Variants in ACO1 observed in about 807,000 individuals in gnomAD.
The protein encoded by ACO1 is aconitase 1, also known as cytoplasmic aconitate hydratase.
ACO1 carries 78 observed loss-of-function variants against 105.1 expected under a neutral mutation model. That is an observed-to-expected ratio of 0.74 (90% confidence interval 0.62 to 0.90). ACO1 has a LOEUF of 0.90. Ranked by LOEUF, ACO1 falls within the 40% of genes least tolerant of loss-of-function variation. ACO1 has a pLI of 0.00. For missense variants in ACO1, 965 were observed against 1,111.1 expected (o/e 0.87, Z 1.87); for synonymous variants, 364 against 397.4 (o/e 0.92, Z 1.00).
At chr9:32,434,067 C>A (rs1822300165) in intron 16 of ACO1, among the ~76,000 whole-genome samples, 1 of 152,170 alleles carries the variant, frequency 6.6e-6, no homozygotes, top group Admixed American at 6.5e-5. Flanking sequence ...CTAGTAATCA[C>A]CTGGACTTAA....
intron 12 of ACO1, among the ~76,000 whole-genome samples, chr9:32,428,367 T>G (rs1822147725): frequency 1.3e-5 from 2 of 151,394 alleles, no homozygotes; most frequent in Admixed American, 1.3e-4. Flanking sequence ...GTCTTCTACC[T>G]CCACATCTGT....
At chr9:32,409,817 G>A (rs1191805928) in intron 4 of ACO1, among the ~76,000 whole-genome samples, 2 of 152,076 alleles carry the variant, frequency 1.3e-5, no homozygotes, top group Non-Finnish European at 2.9e-5. Flanking sequence ...GTGACAGAGC[G>A]AGACCTTGTC....
chr9:32,413,263 A>G (rs986409618), intron 4 of ACO1, among the ~76,000 whole-genome samples: 5 of 152,100 alleles, frequency 3.3e-5, no homozygotes, highest in Admixed American at 6.5e-5. Context: ...AGGCAGGTGG[A>G]TCACGAGGTC....
At chr9:32,428,513 A>G (rs1418147979) in intron 12 of ACO1, among the ~76,000 whole-genome samples, 1 of 151,680 alleles carries the variant, frequency 6.6e-6, no homozygotes, top group East Asian at 1.9e-4. Context: ...TTTTTTTAAT[A>G]AACAAAAAGA....
At chr9:32,399,368 A>C (rs965920967) in intron 1 of ACO1, among the ~76,000 whole-genome samples, 2 of 152,250 alleles carry the variant, frequency 1.3e-5, no homozygotes, top group African/African-American at 4.8e-5. Flanking sequence ...CTAGCTATTA[A>C]AGAAGTACCA....
At chr9:32,402,021 G>A (rs556414217) in intron 1 of ACO1, among the ~76,000 whole-genome samples, 26 of 152,272 alleles carry the variant, frequency 1.7e-4, no homozygotes, top group Admixed American at 6.5e-4. Flanking sequence ...CAGTAGCTCC[G>A]TTTTTATTCC....
In ACO1 at chr9:32,446,352, G is replaced by T. The variant is rs148040790; in HGVS notation, c.2371-2544G>T. Among the ~76,000 whole-genome samples the T allele has an allele frequency of 8.0e-3, 1,217 of 152,222 alleles. 7 individuals carry two copies. The highest frequency in any genetic ancestry group is 0.012 in the Non-Finnish European group (806 of 67,998). ...CCCTTTACCATTATGTAATGGCCTT[G>T]TCTCTTTTGATCTTTGTTGGTTTAA... On this transcript the variant is annotated intron_variant, in intron 19 of 20. Coordinates refer to ENST00000309951, the MANE Select transcript of ACO1 (RefSeq NM_002197.3).
chr9:32,429,326 T>C, intron 12 of ACO1, 93 bp from the exon 13 acceptor site: 3 of 1,187,442 alleles, frequency 2.5e-6, no homozygotes, highest in Non-Finnish European at 3.7e-6. Flanking sequence ...CAATTCCTTT[T>C]TGAACAGTGG....
At chr9:32,432,486 T>C (rs967469486) in intron 15 of ACO1, among the ~76,000 whole-genome samples, 1 of 152,176 alleles carries the variant, frequency 6.6e-6, no homozygotes, top group Non-Finnish European at 1.5e-5. Flanking sequence ...GTTCACACGC[T>C]GCACTCTTCA....
intron 1 of ACO1, among the ~76,000 whole-genome samples, chr9:32,393,105 G>A (rs981805412): frequency 4.6e-5 from 7 of 152,174 alleles, no homozygotes; most frequent in Non-Finnish European, 1.0e-4. Flanking sequence ...AAAAGAACAG[G>A]ATAACAGCAA....
chr9:32,405,659 T>C lies in ACO1; in HGVS notation c.97+56T>C, dbSNP rs1364088788. 5 of 1,262,580 alleles carry C rather than the reference T, an allele frequency of 4.0e-6. No individual in the cohort carries two copies. The South Asian group carries it at 4.0e-5, about 10-fold the overall frequency. 78.2% of individuals were successfully genotyped at this position (1,262,580 alleles called of 1,614,324 possible). On this transcript the variant is annotated intron_variant, in intron 2 of 20. Coordinates refer to ENST00000309951, the MANE Select transcript of ACO1 (RefSeq NM_002197.3). ...TCTCATTTGCACAATGATTAGGCTA[T>C]GTAATTAATTACACTTGAGGAGAGT...
intron 15 of ACO1, among the ~76,000 whole-genome samples, chr9:32,432,526 G>A (rs1822262508): frequency 6.6e-6 from 1 of 152,088 alleles, no homozygotes; most frequent in Non-Finnish European, 1.5e-5. Flanking sequence ...TGGTGTTAGG[G>A]AGCTTGGCAG....
intron 1 of ACO1, among the ~76,000 whole-genome samples, chr9:32,403,430 G>A (rs1263971640): frequency 2.6e-5 from 4 of 152,066 alleles, no homozygotes; most frequent in South Asian, 4.2e-4. Flanking sequence ...AAAAAGGGAG[G>A]CAAATGGTAG....
At chr9:32,402,547 G>A (rs1455095069) in intron 1 of ACO1, among the ~76,000 whole-genome samples, 3 of 152,168 alleles carry the variant, frequency 2.0e-5, no homozygotes, top group East Asian at 3.9e-4. Context: ...CTGGCCAATG[G>A]TGGGGTTCCT....
At chr9:32,390,700 C>A (rs904910824) in intron 1 of ACO1, among the ~76,000 whole-genome samples, 4 of 152,116 alleles carry the variant, frequency 2.6e-5, no homozygotes, top group Non-Finnish European at 5.9e-5. Context: ...AGAACATTTT[C>A]TTTCATCTGT....
chr9:32,413,482 CAA>C (rs35294620), intron 4 of ACO1, among the ~76,000 whole-genome samples: 62,301 of 132,246 alleles, frequency 0.47, 14,097 homozygotes, highest in Middle Eastern at 0.57. Context: ...GACTCTATCT[CAA>C]AAAAAAAAAA....
intron 1 of ACO1, among the ~76,000 whole-genome samples, chr9:32,400,152 G>A (rs1821463565): frequency 6.6e-6 from 1 of 151,752 alleles, no homozygotes; most frequent in Non-Finnish European, 1.5e-5. Flanking sequence ...TGTACTTTTA[G>A]TAGAGATAGG....
Position 32,439,998 on chromosome 9 carries a change from G to T in ACO1, c.2248-467G>T, listed in dbSNP as rs1407783200. 6.6e-6 allele frequency among the ~76,000 whole-genome samples: 1 copy of T among 152,220 alleles called. No homozygotes were observed. Among genetic ancestry groups the T allele is most frequent in the Non-Finnish European group, 1.5e-5 (1 of 68,024 alleles). Reference sequence around the variant, plus strand: ...TACAAAATTTAAGGCCGGATGCAGTGGCTTACGCCTGTAATCCCAGCACTT... The same window carrying T: ...TACAAAATTTAAGGCCGGATGCAGTTGCTTACGCCTGTAATCCCAGCACTT... On this transcript the variant is annotated intron_variant, in intron 18 of 20. Coordinates refer to ENST00000309951, the MANE Select transcript of ACO1 (RefSeq NM_002197.3). This position sits in a 1 kb window ranked among gnomAD's most constrained non-coding sequence, Gnocchi z 4.0.
intron 4 of ACO1, among the ~76,000 whole-genome samples, chr9:32,411,217 G>A (rs1035667180): frequency 1.3e-5 from 2 of 152,172 alleles, no homozygotes; most frequent in African/African-American, 2.4e-5. Context: ...TACAGGGAGG[G>A]CAATCAGGTA....
Sources: allele counts gnomAD v4.1 joint callset (sites outside exome capture counted in the v4.1 genomes callset), GRCh38; gene constraint gnomAD v4.1.1; non-coding constraint Gnocchi (gnomAD v3.1); transcripts MANE v1.5; gene names NCBI Gene and HGNC (gene_info 2026-07-23, HGNC 2026-07-21).